Variants in SUMF1 observed in about 807,000 individuals in gnomAD.
SUMF1 encodes the protein formylglycine-generating enzyme.
In SUMF1, 48 loss-of-function variants were observed where a neutral mutation model predicts 47.6. That is an observed-to-expected ratio of 1.01 (90% CI 0.80 to 1.28). The LOEUF (loss-of-function observed/expected upper bound fraction) is 1.28. Ranked by LOEUF, SUMF1 falls within the 50% of genes most tolerant of loss-of-function variation. The probability of loss-of-function intolerance (pLI) is 0.00; values close to 1 mark genes in which losing one functional copy is unlikely to be tolerated. For missense variants in SUMF1, 571 were observed against 485.4 expected, an observed-to-expected ratio of 1.18 and a Z score of -1.66; for synonymous variants, 230 against 192.1, an observed-to-expected ratio of 1.20 and a Z score of -1.63.
At chr3:4,263,763 C>T (rs1034530159) in intron 8 of SUMF1, among the ~76,000 whole-genome samples, 3 of 152,172 alleles carry the variant, frequency 2.0e-5, no homozygotes, top group African/African-American at 4.8e-5. Context: ...ATTATGAATA[C>T]TCCTCTCTGA....
intron 8 of SUMF1, among the ~76,000 whole-genome samples, chr3:4,323,730 C>T (rs547702848): frequency 1.3e-5 from 2 of 152,282 alleles, no homozygotes; most frequent in Non-Finnish European, 2.9e-5. Context: ...ACTCCACTTA[C>T]TTTCTGTCCT....
At chr3:4,441,264 G>T (rs1003391299) in intron 3 of SUMF1, among the ~76,000 whole-genome samples, 6 of 152,158 alleles carry the variant, frequency 3.9e-5, no homozygotes, top group South Asian at 2.1e-4. Context: ...CTGGCTCCTT[G>T]TAAGAATCTA....
intron 1 of SUMF1, among the ~76,000 whole-genome samples, chr3:4,454,886 C>T (rs958002927): frequency 4.6e-5 from 7 of 152,118 alleles, no homozygotes; most frequent in African/African-American, 1.7e-4. Flanking sequence ...CAAAGAGACA[C>T]AAAGTAGATT....
intron 8 of SUMF1, among the ~76,000 whole-genome samples, chr3:4,317,771 CAA>C (rs558292229): frequency 4.6e-5 from 7 of 152,148 alleles, no homozygotes; most frequent in Non-Finnish European, 8.8e-5. Flanking sequence ...CTTTCCAAGT[CAA>C]AGTTTCCTTA....
At chr3:4,350,965 T>C (rs1699488123) in intron 8 of SUMF1, among the ~76,000 whole-genome samples, 1 of 150,210 alleles carries the variant, frequency 6.7e-6, no homozygotes, top group African/African-American at 2.5e-5. Context: ...ATCAAACCAA[T>C]ACAACAAACC....
At chr3:4,205,396 G>T (rs1559563585) in intron 8 of SUMF1, among the ~76,000 whole-genome samples, 1 of 152,122 alleles carries the variant, frequency 6.6e-6, no homozygotes, top group Non-Finnish European at 1.5e-5. Context: ...CAGCCATGTT[G>T]CTCACACAAA....
intron 8 of SUMF1, among the ~76,000 whole-genome samples, chr3:4,250,759 C>T (rs1014362538): frequency 2.6e-5 from 4 of 151,970 alleles, no homozygotes; most frequent in Admixed American, 2.6e-4. Flanking sequence ...ATAACAAAGC[C>T]GAGATGCAAT....
intron 8 of SUMF1, among the ~76,000 whole-genome samples, chr3:4,157,022 T>C (rs1282659058): frequency 2.0e-5 from 3 of 151,608 alleles, no homozygotes; most frequent in Admixed American, 6.5e-5. Flanking sequence ...TGTCTGCATC[T>C]TTGAGTACCT....
chr3:4,368,026 A>G (rs1700037415), intron 8 of SUMF1, among the ~76,000 whole-genome samples: 2 of 152,054 alleles, frequency 1.3e-5, no homozygotes, highest in African/African-American at 4.8e-5. Context: ...CAGCAAAAGA[A>G]ACTACCATCA....
At chr3:4,368,932 C>T (rs1700078720) in intron 8 of SUMF1, among the ~76,000 whole-genome samples, 1 of 152,090 alleles carries the variant, frequency 6.6e-6, no homozygotes, top group Admixed American at 6.6e-5. Context: ...CAGTACAGCT[C>T]AAGTCCCTGC....
intron 8 of SUMF1, among the ~76,000 whole-genome samples, chr3:4,193,253 G>T (rs767579690): frequency 2.7e-5 from 4 of 149,488 alleles, no homozygotes; most frequent in African/African-American, 4.9e-5. Context: ...AATGAATAAT[G>T]AAAGTTCCAC....
At chr3:4,153,910 T>C (rs960117349) in intron 8 of SUMF1, among the ~76,000 whole-genome samples, 1 of 151,534 alleles carries the variant, frequency 6.6e-6, no homozygotes, top group Non-Finnish European at 1.5e-5. Context: ...ACTGAGGAAA[T>C]TGGAGCTTAG....
chr3:4,126,144 T>C (rs1693650872), intron 8 of SUMF1, among the ~76,000 whole-genome samples: 1 of 151,740 alleles, frequency 6.6e-6, no homozygotes, highest in Non-Finnish European at 1.5e-5. Context: ...TTGTGTCTCT[T>C]GTGTCCCAGG....
At chr3:4,357,690 C>T (rs1265026043), downstream of SUMF1, among the ~76,000 whole-genome samples, 1 of 151,720 alleles carries the variant, frequency 6.6e-6, no homozygotes, top group Non-Finnish European at 1.5e-5. Flanking sequence ...CTCACTGCAA[C>T]CTCTGCCTCC....
chr3:4,279,153 A>G (rs1011626645), intron 8 of SUMF1, among the ~76,000 whole-genome samples: 2 of 152,152 alleles, frequency 1.3e-5, no homozygotes, highest in Non-Finnish European at 2.9e-5. Context: ...TAAGTTAGAC[A>G]TTTCTAGTCT....
intron 8 of SUMF1, among the ~76,000 whole-genome samples, chr3:4,160,753 C>A (rs1415277068): frequency 6.6e-6 from 1 of 151,926 alleles, no homozygotes; most frequent in Non-Finnish European, 1.5e-5. Flanking sequence ...CTTTGTGTTT[C>A]TTCAAAACAG....
chr3:4,358,626 A>C (rs1280165062), downstream of SUMF1, among the ~76,000 whole-genome samples: 1 of 152,202 alleles, frequency 6.6e-6, no homozygotes, highest in Non-Finnish European at 1.5e-5. Flanking sequence ...AAAAAATTTA[A>C]TACCATGAAA....
At chr3:4,284,410 C>G (rs1263733389) in intron 8 of SUMF1, among the ~76,000 whole-genome samples, 1 of 130,984 alleles carries the variant, frequency 7.6e-6, no homozygotes, top group Non-Finnish European at 1.6e-5. Context: ...GAGACTCTGT[C>G]CCAAAAAAAA....
At chr3:4,175,239 C>A (rs750137644) in intron 8 of SUMF1, among the ~76,000 whole-genome samples, 19 of 152,124 alleles carry the variant, frequency 1.2e-4, no homozygotes, top group Non-Finnish European at 2.4e-4. Context: ...TCAAGTGGGC[C>A]CCTGACCCCC....
Sources: allele counts gnomAD v4.1 joint callset (sites outside exome capture counted in the v4.1 genomes callset), GRCh38; gene constraint gnomAD v4.1.1; transcripts MANE v1.5; gene names NCBI Gene and HGNC (gene_info 2026-07-23, HGNC 2026-07-21).